Variants in MAT1A observed in about 807,000 individuals in gnomAD.
MAT1A encodes the protein methionine adenosyltransferase 1A, also known as S-adenosylmethionine synthase isoform type-1.
Under a neutral mutation model 44.0 loss-of-function variants are expected in MAT1A, and 19 were observed. That is an observed-to-expected ratio of 0.43 (90% CI 0.30 to 0.63). The LOEUF is 0.63. Ranked by LOEUF, MAT1A falls within the 30% of genes least tolerant of loss-of-function variation. The pLI, the probability that MAT1A is intolerant of heterozygous loss-of-function variation, is 0.12. For missense variants in MAT1A, 397 were observed against 531.0 expected, an observed-to-expected ratio of 0.75 and a Z score of 2.48; for synonymous variants, 205 against 205.6, an observed-to-expected ratio of 1.00 and a Z score of 0.03.
At chr10:80,275,799 G>A (rs1841477405) in intron 6 of MAT1A, among the ~76,000 whole-genome samples, 1 of 152,226 alleles carries the variant, frequency 6.6e-6, no homozygotes. Context: ...CTTGCTACTG[G>A]AACCCGGGAT....
chr10:80,285,170 C>T (rs1386119750), intron 2 of MAT1A, among the ~76,000 whole-genome samples: 3 of 152,258 alleles, frequency 2.0e-5, no homozygotes, highest in East Asian at 1.9e-4. Flanking sequence ...TCTTGCATCC[C>T]GTCTGGAAGA....
chr10:80,280,138 G>C, intron 5 of MAT1A, 35 bp downstream of exon 5: 1 of 1,613,362 alleles, frequency 6.2e-7, no homozygotes, highest in Non-Finnish European at 8.5e-7. Context: ...TAAAGCTTCT[G>C]TCTAGGGCTC....
chr10:80,286,153 A>T (rs1285287445), intron 1 of MAT1A, among the ~76,000 whole-genome samples: 1 of 152,186 alleles, frequency 6.6e-6, no homozygotes, highest in Non-Finnish European at 1.5e-5. Context: ...TAGGAGTCTA[A>T]CGCAACTCAC....
intron 1 of MAT1A, among the ~76,000 whole-genome samples, chr10:80,288,719 T>G (rs1315061986): frequency 6.6e-6 from 1 of 152,196 alleles, no homozygotes; most frequent in African/African-American, 2.4e-5. Flanking sequence ...TCACCCATGG[T>G]CTTGTTTCAG....
At position 80,285,529 on chromosome 10, in the gene MAT1A, T is replaced by C. The variant is rs751747500; in HGVS notation, c.152A>G (p.Asn51Ser). 1 of 1,614,100 alleles carries C rather than the reference T, an allele frequency of 6.2e-7. No homozygotes were observed. Among genetic ancestry groups the C allele is most frequent in the Non-Finnish European group, 8.5e-7 (1 of 1,179,964 alleles). Reference sequence around the variant, plus strand: ...TTTCTTACCACAGGCCACCTTGGCATTGGGGTCTTGCTTGAGATGGGCATC... The same window carrying C: ...TTTCTTACCACAGGCCACCTTGGCACTGGGGTCTTGCTTGAGATGGGCATC... ...VLDAHLKQDP[N>S]AKVACETVCK... The change falls in exon 2 of 9, where the codon AAT becomes AGT. Residue 51 changes from asparagine (N) to serine (S), a missense_variant. By Grantham distance (46) the Asn-to-Ser change is conservative (BLOSUM62 1). Transcript: ENST00000372213.
At chr10:80,284,490 C>T (rs568100251) in intron 2 of MAT1A, among the ~76,000 whole-genome samples, 3 of 152,304 alleles carry the variant, frequency 2.0e-5, no homozygotes, top group African/African-American at 7.2e-5. Flanking sequence ...CCAACCTTCT[C>T]TCCAGATATT....
Position 80,273,725 on chromosome 10 carries a change from A to G in MAT1A, c.*56T>C. On this transcript the variant is annotated 3_prime_UTR_variant, in exon 9 of 9. Transcript: ENST00000372213. ...ATCAGCAGCCAGGCGTCTGGGGAAG[A>G]GGAGCATGGCCACCAGGTGCCTCCA... 7.9e-7 allele frequency: 1 copy of G among 1,264,576 alleles called. No homozygotes were observed. Among genetic ancestry groups the G allele is most frequent in the South Asian group, 1.2e-5 (1 of 83,790 alleles). 78.3% of individuals were successfully genotyped at this position (1,264,576 alleles called of 1,614,324 possible).
At chr10:80,283,576 C>T (rs776933282) in intron 3 of MAT1A, among the ~76,000 whole-genome samples, 1 of 152,256 alleles carries the variant, frequency 6.6e-6, no homozygotes, top group Non-Finnish European at 1.5e-5. Flanking sequence ...GAGACTATCA[C>T]CAGTGCCTGG....
At position 80,273,837 on chromosome 10, in the gene MAT1A, C is replaced by T. The variant is rs1170028069; in HGVS notation, c.1132G>A (p.Gly378Ser). ...KPIYQKTACY[G>S]HFGRSEFPWE... ...GGGAACTCGCTTCTTCCGAAATGGCCGTAGCATGCTGTCTTCTGGTAGATG... is the reference window on the plus strand; with the variant it reads ...GGGAACTCGCTTCTTCCGAAATGGCTGTAGCATGCTGTCTTCTGGTAGATG... Residue 378 changes from glycine (G) to serine (S), a missense_variant, in exon 9 of 9, where the codon GGC becomes AGC. Transcript: ENST00000372213. The T allele has an allele frequency of 6.2e-7, 1 of 1,613,918 alleles. No homozygotes were observed. The highest frequency in any genetic ancestry group is 8.5e-7 in the Non-Finnish European group (1 of 1,179,838).
In MAT1A at chr10:80,274,919, A is replaced by G. The variant is rs10788545; in HGVS notation, c.951+98T>C. The G allele has an allele frequency of 0.71, 1,001,411 of 1,415,934 alleles. 360,088 individuals carry two copies. Among genetic ancestry groups the G allele is most frequent in the East Asian group, 0.95 (38,097 of 40,216 alleles). 87.7% of individuals were successfully genotyped at this position (1,415,934 alleles called of 1,614,324 possible). A position where few individuals can be genotyped will look rare whatever the true frequency, so the allele number is the denominator to read the frequency against. On this transcript the variant is annotated intron_variant, in intron 7 of 8. Coordinates refer to ENST00000372213, the MANE Select transcript of MAT1A (RefSeq NM_000429.3). ...ACACAATCACAACCTTTGGCAAAGC[A>G]TGCAGCTTTCCCACCGGGCCAACAT... is the stretch of plus-strand genomic sequence containing the variant.
Position 80,275,208 on chromosome 10 carries a change from G to A in MAT1A, c.769-9C>T. ...GTGACACCCGCATCCCCCTGCAGAG[G>A]GAGAGAAATCAAGATAAGAAGCAGA... is the stretch of plus-strand genomic sequence containing the variant. On this transcript the variant is annotated splice_polypyrimidine_tract_variant and intron_variant, in intron 6 of 8. Transcript: ENST00000372213. 6.2e-7 allele frequency: 1 copy of A among 1,610,528 alleles called. No individual in the cohort carries two copies. Among genetic ancestry groups the A allele is most frequent in the Non-Finnish European group, 8.5e-7 (1 of 1,178,406 alleles).
At chr10:80,284,067 T>C (rs781761336) in intron 2 of MAT1A, 29 bp from the exon 3 acceptor site, 6 of 1,612,154 alleles carry the variant, frequency 3.7e-6, no homozygotes, top group Non-Finnish European at 5.1e-6. Flanking sequence ...CGAGGAGAGT[T>C]AGCAGCCAAG....
Position 80,289,578 on chromosome 10 carries a change from G to T in MAT1A, c.-155C>A. The T allele has an allele frequency of 1.4e-6, 1 of 694,506 alleles. No individual in the cohort carries two copies. The highest frequency in any genetic ancestry group is 2.6e-6 in the Non-Finnish European group (1 of 380,642). The allele number at this position is 694,506 out of a possible 1,614,324, so 43.0% of individuals were successfully genotyped here. A position where few individuals can be genotyped will look rare whatever the true frequency, so the allele number is the denominator to read the frequency against. ...ATCACTTCTGCCTAACTGCCTGTGA[G>T]CACGTGAGAACAGGCGAGGACTGCT... On this transcript the variant is annotated 5_prime_UTR_variant, in exon 1 of 9. Transcript: ENST00000372213.
chr10:80,286,277 G>A (rs1223966082), intron 1 of MAT1A, among the ~76,000 whole-genome samples: 1 of 152,040 alleles, frequency 6.6e-6, no homozygotes, highest in African/African-American at 2.4e-5. Flanking sequence ...AAATAGTTAA[G>A]AAGTCAATTT....
At chr10:80,276,250 C>T in intron 6 of MAT1A, 126 bp downstream of exon 6, 7 of 941,226 alleles carry the variant, frequency 7.4e-6, no homozygotes, top group Non-Finnish European at 1.2e-5. Flanking sequence ...ACCGACTTTA[C>T]ATTTAGTCCA....
intron 5 of MAT1A, among the ~76,000 whole-genome samples, chr10:80,279,734 G>GAGACAGGCAGCAC (rs1554840954): frequency 4.9e-5 from 2 of 40,936 alleles, no homozygotes; most frequent in East Asian, 1.7e-3. Context: ...GGGTCATGAT[G>GAGACAGGCAGCAC]AGACAGACAG....
intron 5 of MAT1A, 130 bp from the exon 6 acceptor site, chr10:80,276,724 G>C (rs1414054668): frequency 8.9e-5 from 75 of 842,030 alleles, no homozygotes; most frequent in Non-Finnish European, 1.0e-4. Flanking sequence ...TGTCTTCAAA[G>C]GGTGTTGGGG....
At chr10:80,281,575 G>T (rs1841567879) in intron 3 of MAT1A, among the ~76,000 whole-genome samples, 1 of 151,854 alleles carries the variant, frequency 6.6e-6, no homozygotes, top group South Asian at 2.1e-4. Flanking sequence ...GAGAATAAGG[G>T]ACTGAATACA....
rs367639318 is a variant in MAT1A, at chr10:80,289,488, GT to G, written c.-66del. On this transcript the variant is annotated 5_prime_UTR_variant, in exon 1 of 9. Transcript: ENST00000372213. Reference sequence around the variant, plus strand: ...ATTTTGAGGCTGTGACTTTGCCTGAGTTTTTTTTTCTTCTTCTTCTTCTTCT... The same window carrying G: ...ATTTTGAGGCTGTGACTTTGCCTGAGTTTTTTTTCTTCTTCTTCTTCTTCT... The G allele has an allele frequency of 5.4e-3, 6,010 of 1,103,998 alleles. 24 individuals carry two copies. The highest frequency in any genetic ancestry group is 6.4e-3 in the Non-Finnish European group (4,824 of 751,388). 68.4% of individuals were successfully genotyped at this position (1,103,998 alleles called of 1,614,324 possible). A position where few individuals can be genotyped will look rare whatever the true frequency, so the allele number is the denominator to read the frequency against.
Sources: allele counts gnomAD v4.1 joint callset (sites outside exome capture counted in the v4.1 genomes callset), GRCh38; gene constraint gnomAD v4.1.1; transcripts MANE v1.5; gene names NCBI Gene and HGNC (gene_info 2026-07-23, HGNC 2026-07-21).